Variants in SMAP1 observed in about 807,000 individuals in gnomAD.
The protein encoded by SMAP1 is stromal membrane-associated protein 1.
A neutral mutation model predicts 58.5 loss-of-function variants in SMAP1; 24 were observed. The ratio of observed to expected loss-of-function variants is 0.41; its 90% confidence interval spans 0.30 to 0.58. The LOEUF (loss-of-function observed/expected upper bound fraction) is 0.58. SMAP1 is among the 20% of genes least tolerant of loss of function. The pLI, the probability that SMAP1 is intolerant of heterozygous loss-of-function variation, is 0.29. For missense variants in SMAP1, 563 were observed against 566.3 expected (o/e 0.99, Z 0.06); for synonymous variants, 216 against 196.6 (o/e 1.10, Z -0.82).
intron 5 of SMAP1, among the ~76,000 whole-genome samples, chr6:70,796,813 A>G (rs1349133152): frequency 2.6e-5 from 4 of 152,186 alleles, no homozygotes; most frequent in Non-Finnish European, 5.9e-5. Context: ...AGGTTTTAGC[A>G]CAAGTTCAAC....
chr6:70,668,828 T>C, intron 1 of SMAP1: 1 of 1,240,714 alleles, frequency 8.1e-7, no homozygotes, highest in East Asian at 2.6e-5. Context: ...ATTACATGAG[T>C]CTCTTGGAGG....
At chr6:70,674,113 A>AT (rs985336882) in intron 1 of SMAP1, among the ~76,000 whole-genome samples, 185 of 147,772 alleles carry the variant, frequency 1.3e-3, no homozygotes, top group African/African-American at 4.0e-3. Context: ...GTGCTTTGGC[A>AT]TTTTTTTTTT....
At position 70,827,194 on chromosome 6, in the gene SMAP1, T is replaced by C. The variant is rs143702008; in HGVS notation, c.577-9747T>C. On this transcript the variant is annotated intron_variant, in intron 6 of 10. Transcript: ENST00000370455. Reference sequence around the variant, plus strand: ...ATACTGAACTTCATTCTTTTCAGCATTTTTATTAACTGTGGATATCTGTGC... The same window carrying C: ...ATACTGAACTTCATTCTTTTCAGCACTTTTATTAACTGTGGATATCTGTGC... 4.6e-5 allele frequency among the ~76,000 whole-genome samples: 7 copies of C among 152,304 alleles called. No individual in the cohort carries two copies. The East Asian group carries it at 1.4e-3, about 29-fold the overall frequency.
intron 6 of SMAP1, among the ~76,000 whole-genome samples, chr6:70,836,057 C>T (rs976996108): frequency 1.3e-5 from 2 of 152,110 alleles, no homozygotes; most frequent in Non-Finnish European, 2.9e-5. Context: ...TCTCATGTAT[C>T]ATACAGTGTG....
intron 3 of SMAP1, among the ~76,000 whole-genome samples, chr6:70,766,420 T>A (rs1766989249): frequency 6.6e-6 from 1 of 152,204 alleles, no homozygotes; most frequent in Non-Finnish European, 1.5e-5. Flanking sequence ...GTTTCCTGAC[T>A]TTTTAATGAT....
At chr6:70,779,842 G>A (rs1409908379) in intron 4 of SMAP1, among the ~76,000 whole-genome samples, 1 of 152,200 alleles carries the variant, frequency 6.6e-6, no homozygotes, top group Non-Finnish European at 1.5e-5. Flanking sequence ...AGTGATGCTA[G>A]TGCTGGGGAG....
chr6:70,773,480 T>A, intron 4 of SMAP1, 55 bp downstream of exon 4: 1 of 945,792 alleles, frequency 1.1e-6, no homozygotes, highest in South Asian at 1.5e-5. Context: ...TTCAAACTTT[T>A]AACATGCAAT....
At chr6:70,677,432 C>CTTTTTTTTTTT (rs58133069) in intron 1 of SMAP1, among the ~76,000 whole-genome samples, 3 of 60,424 alleles carry the variant, frequency 5.0e-5, no homozygotes, top group East Asian at 6.6e-4. Context: ...CTTGTCACTT[C>CTTTTTTTTTTT]TTTTTTTTTT....
chr6:70,731,295 A>C (rs1765422535), intron 1 of SMAP1, among the ~76,000 whole-genome samples: 2 of 152,220 alleles, frequency 1.3e-5, no homozygotes, highest in Non-Finnish European at 2.9e-5. Context: ...ATTATTATGA[A>C]AGAATATATT....
In SMAP1 at chr6:70,745,747, C is replaced by A. The variant is rs540724136; in HGVS notation, c.253-9233C>A. On this transcript the variant is annotated intron_variant, in intron 2 of 10. Transcript: ENST00000370455. ...TAGCTTGATGGGGATGGCACTGAAT[C>A]TATAAATTACCTTGGGCAGTATGGC... Among the ~76,000 whole-genome samples the A allele has an allele frequency of 8.5e-5, 13 of 152,308 alleles. No individual in the cohort carries two copies. The South Asian group carries it at 2.7e-3, about 32-fold the overall frequency.
intron 3 of SMAP1, among the ~76,000 whole-genome samples, chr6:70,763,881 G>A (rs1766855656): frequency 6.6e-6 from 1 of 152,104 alleles, no homozygotes; most frequent in African/African-American, 2.4e-5. Flanking sequence ...TGAAAAGTTT[G>A]AAGCTAGCAT....
intron 1 of SMAP1, among the ~76,000 whole-genome samples, chr6:70,693,298 C>T (rs1435953311): frequency 1.8e-5 from 2 of 109,640 alleles, no homozygotes; most frequent in Non-Finnish European, 1.8e-5. Flanking sequence ...ATGTCATCTT[C>T]TTTTTTTTTT....
At chr6:70,700,659 G>T (rs1397582819) in intron 1 of SMAP1, among the ~76,000 whole-genome samples, 1 of 152,178 alleles carries the variant, frequency 6.6e-6, no homozygotes, top group Non-Finnish European at 1.5e-5. Flanking sequence ...ACAGAAGAAC[G>T]ACCTAATACA....
At position 70,768,382 on chromosome 6, in the gene SMAP1, G is replaced by A. The variant is rs369423652; in HGVS notation, c.339-4968G>A. Reference sequence around the variant, plus strand: ...TCGGCTGTGAATCCATCTGGTCCTGGACTCTTTTTGGTTGGTAAGCTATTG... The same window carrying A: ...TCGGCTGTGAATCCATCTGGTCCTGAACTCTTTTTGGTTGGTAAGCTATTG... On this transcript the variant is annotated intron_variant, in intron 3 of 10. Transcript: ENST00000370455. Among the ~76,000 whole-genome samples the A allele has an allele frequency of 5.7e-3, 867 of 152,220 alleles. 9 individuals are homozygous for A. Among genetic ancestry groups the A allele is most frequent in the African/African-American group, 0.02 (815 of 41,546 alleles).
At chr6:70,796,571 T>G (rs547015131) in intron 5 of SMAP1, among the ~76,000 whole-genome samples, 10 of 152,308 alleles carry the variant, frequency 6.6e-5, no homozygotes, top group Admixed American at 5.9e-4. Flanking sequence ...GGGAAATGGT[T>G]GAGTCAGCAG....
intron 2 of SMAP1, among the ~76,000 whole-genome samples, chr6:70,753,928 T>C (rs1766383102): frequency 6.6e-6 from 1 of 152,064 alleles, no homozygotes; most frequent in Non-Finnish European, 1.5e-5. Flanking sequence ...TGATTGTATA[T>C]TGGAATTTAG....
At chr6:70,848,763 G>T (rs1407588771) in intron 7 of SMAP1, among the ~76,000 whole-genome samples, 1 of 152,108 alleles carries the variant, frequency 6.6e-6, no homozygotes, top group Non-Finnish European at 1.5e-5. Flanking sequence ...TTTAAACACT[G>T]AAAATTAAAA....
intron 6 of SMAP1, among the ~76,000 whole-genome samples, chr6:70,800,486 A>G (rs114895708): frequency 0.013 from 1,979 of 151,756 alleles, 52 homozygotes; most frequent in African/African-American, 0.046. Flanking sequence ...TTATTTCTTC[A>G]TTGTGTCTAA....
At chr6:70,773,487 C>G (rs1582157635) in intron 4 of SMAP1, 62 bp downstream of exon 4, 3 of 867,074 alleles carry the variant, frequency 3.5e-6, no homozygotes, top group South Asian at 3.4e-5. Flanking sequence ...TTTTAACATG[C>G]AATACAGCTT....
Sources: allele counts gnomAD v4.1 joint callset (sites outside exome capture counted in the v4.1 genomes callset), GRCh38; gene constraint gnomAD v4.1.1; transcripts MANE v1.5; gene names NCBI Gene and HGNC (gene_info 2026-07-23, HGNC 2026-07-21).